Variants in SH3BGRL2 observed in about 807,000 individuals in gnomAD.
SH3BGRL2 encodes SH3 domain binding glutamate rich protein like 2.
Under a neutral mutation model 14.8 loss-of-function variants are expected in SH3BGRL2, and 21 were observed. The ratio of observed to expected loss-of-function variants is 1.42; its 90% confidence interval spans 1.01 to 2.05. The LOEUF (loss-of-function observed/expected upper bound fraction) is 2.05, where lower values mean the gene tolerates loss of function less well. Ranked by LOEUF, SH3BGRL2 falls within the 30% of genes most tolerant of loss-of-function variation. SH3BGRL2 has a pLI of 0.00. For synonymous variants in SH3BGRL2, 50 were observed against 47.8 expected, an observed-to-expected ratio of 1.05 and a Z score of -0.19; for missense variants, 147 against 130.8, an observed-to-expected ratio of 1.12 and a Z score of -0.61.
chr6:79,692,035 A>C (rs1477488253), intron 2 of SH3BGRL2, among the ~76,000 whole-genome samples: 1 of 152,174 alleles, frequency 6.6e-6, no homozygotes, highest in East Asian at 1.9e-4. Flanking sequence ...CTGACTTTTT[A>C]ATGATCACCA....
At chr6:79,586,273 A>G in the SH3BGRL2 span, among the ~76,000 whole-genome samples, 1 of 34,608 alleles carries the variant, frequency 2.9e-5, no homozygotes, top group Non-Finnish European at 5.7e-5. Flanking sequence ...CTCATTAGCT[A>G]TTGTTAATGT....
intron 1 of SH3BGRL2, among the ~76,000 whole-genome samples, chr6:79,650,752 T>C (rs1485634101): frequency 6.6e-6 from 1 of 152,028 alleles, no homozygotes; most frequent in East Asian, 1.9e-4. Context: ...ACTTCCAACA[T>C]TGACAATCAA....
chr6:79,690,908 A>G (rs919895569), intron 2 of SH3BGRL2, among the ~76,000 whole-genome samples: 1 of 152,196 alleles, frequency 6.6e-6, no homozygotes, highest in Non-Finnish European at 1.5e-5. Flanking sequence ...GTCTCTTTGT[A>G]GAGGGGGTTT....
intron 1 of SH3BGRL2, among the ~76,000 whole-genome samples, chr6:79,638,807 T>A (rs923921908): frequency 6.6e-6 from 1 of 152,198 alleles, no homozygotes; most frequent in Admixed American, 6.5e-5. Context: ...ATTTTTTTGC[T>A]GTTGTTTGGG....
upstream of SH3BGRL2, among the ~76,000 whole-genome samples, chr6:79,630,655 TAGA>T (rs1486614359): frequency 6.6e-6 from 1 of 152,298 alleles, no homozygotes; most frequent in East Asian, 1.9e-4. Context: ...CCAATGTTGA[TAGA>T]AGGATTCCAA....
chr6:79,619,195 A>G, the SH3BGRL2 span, among the ~76,000 whole-genome samples: 1 of 151,418 alleles, frequency 6.6e-6, no homozygotes, highest in Non-Finnish European at 1.5e-5. Context: ...ATTCCTCTCC[A>G]CCTCCTGACC....
At chr6:79,581,182 A>G in the SH3BGRL2 span, among the ~76,000 whole-genome samples, 1 of 152,292 alleles carries the variant, frequency 6.6e-6, no homozygotes, top group Non-Finnish European at 1.5e-5. Context: ...AGGACCAGAC[A>G]GATTCACAGC....
At chr6:79,590,704 G>GA in the SH3BGRL2 span, among the ~76,000 whole-genome samples, 1 of 151,768 alleles carries the variant, frequency 6.6e-6, no homozygotes, top group Non-Finnish European at 1.5e-5. Context: ...GAATGTGGGG[G>GA]AAAAACTACC....
rs757843981 is a variant in SH3BGRL2, at chr6:79,657,829, A to G, written c.46-15785A>G. Reference sequence around the variant, plus strand: ...ATTTGCTTCTAGTATTATCCTACTTAGCCATTTTTAAATTATACAAATAAT... The same window carrying G: ...ATTTGCTTCTAGTATTATCCTACTTGGCCATTTTTAAATTATACAAATAAT... On this transcript the variant is annotated intron_variant, in intron 1 of 3. Transcript: ENST00000369838. Among the ~76,000 whole-genome samples the G allele has an allele frequency of 2.0e-5, 3 of 152,268 alleles. No homozygotes were observed. In the South Asian group the frequency reaches 6.2e-4, roughly 32 times the overall value.
At chr6:79,680,184 C>T (rs1769962108) in intron 2 of SH3BGRL2, among the ~76,000 whole-genome samples, 1 of 152,164 alleles carries the variant, frequency 6.6e-6, no homozygotes, top group Non-Finnish European at 1.5e-5. Context: ...AGCTTTTCCC[C>T]TGTGTTTTCT....
In SH3BGRL2 at chr6:79,680,737, AT is replaced by A. The variant is rs571460606; in HGVS notation, c.231+6945del. ...TATCCATTTATTTGAATCTCCTTTA[AT>A]TTTTTTCAGCATGTTTTGTAGTTTT... On this transcript the variant is annotated intron_variant, in intron 2 of 3. Transcript: ENST00000369838. 9.3e-4 allele frequency among the ~76,000 whole-genome samples: 141 copies of A among 151,820 alleles called. 1 individual carries two copies. Among genetic ancestry groups the A allele is most frequent in the African/African-American group, 3.3e-3 (138 of 41,392 alleles).
chr6:79,610,084 G>A, the SH3BGRL2 span, among the ~76,000 whole-genome samples: 1 of 152,078 alleles, frequency 6.6e-6, no homozygotes, highest in East Asian at 1.9e-4. Context: ...TTCAAATATT[G>A]CAAGACATTT....
chr6:79,631,416 C>T lies in SH3BGRL2; in HGVS notation c.-46C>T. 1 of 1,490,572 alleles carries T rather than the reference C, an allele frequency of 6.7e-7. No individual in the cohort carries two copies. The highest frequency in any genetic ancestry group is 8.9e-7 in the Non-Finnish European group (1 of 1,117,768). 92.3% of individuals were successfully genotyped at this position (1,490,572 alleles called of 1,614,324 possible). A position where few individuals can be genotyped will look rare whatever the true frequency, so the allele number is the denominator to read the frequency against. Reference sequence around the variant, plus strand: ...GGGTTCAGCTCTGCGTCCACGCCAGCCCGGAGCCCGGGGGGCAAGGGGTCT... The same window carrying T: ...GGGTTCAGCTCTGCGTCCACGCCAGTCCGGAGCCCGGGGGGCAAGGGGTCT... On this transcript the variant is annotated 5_prime_UTR_variant, in exon 1 of 4. Coordinates refer to ENST00000369838, the MANE Select transcript of SH3BGRL2 (RefSeq NM_031469.4).
intron 1 of SH3BGRL2, among the ~76,000 whole-genome samples, chr6:79,660,209 T>C (rs1205253973): frequency 6.6e-6 from 1 of 152,188 alleles, no homozygotes; most frequent in Non-Finnish European, 1.5e-5. Context: ...GGCATCCTTG[T>C]TTTGTGCCAG....
chr6:79,602,170 G>A, the SH3BGRL2 span, among the ~76,000 whole-genome samples: 1 of 152,178 alleles, frequency 6.6e-6, no homozygotes, highest in Non-Finnish European at 1.5e-5. Context: ...GAGCCAAATT[G>A]TGTCTGAAAT....
the SH3BGRL2 span, among the ~76,000 whole-genome samples, chr6:79,551,486 G>T: frequency 1.3e-5 from 2 of 152,128 alleles, no homozygotes; most frequent in East Asian, 3.9e-4. Flanking sequence ...TATAATTTTA[G>T]AAAAGGAGAG....
intron 1 of SH3BGRL2, among the ~76,000 whole-genome samples, chr6:79,666,387 T>C (rs1413851032): frequency 6.6e-6 from 1 of 152,192 alleles, no homozygotes; most frequent in Non-Finnish European, 1.5e-5. Context: ...CACTGAGCTT[T>C]AGTTTTTTAG....
At chr6:79,614,855 C>A in the SH3BGRL2 span, among the ~76,000 whole-genome samples, 1 of 152,008 alleles carries the variant, frequency 6.6e-6, no homozygotes, top group African/African-American at 2.4e-5. Context: ...CAGACAGCAG[C>A]CAGGTACACA....
chr6:79,693,966 G>A (rs1342964054), intron 2 of SH3BGRL2, among the ~76,000 whole-genome samples: 1 of 152,166 alleles, frequency 6.6e-6, no homozygotes, highest in Non-Finnish European at 1.5e-5. Context: ...CCTGTGATGT[G>A]TTGATTTTGG....
Sources: allele counts gnomAD v4.1 joint callset (sites outside exome capture counted in the v4.1 genomes callset), GRCh38; gene constraint gnomAD v4.1.1; transcripts MANE v1.5; gene names NCBI Gene and HGNC (gene_info 2026-07-23, HGNC 2026-07-21).